Variants in CCDC62 observed in about 807,000 individuals in gnomAD.
The protein encoded by CCDC62 is coiled-coil domain-containing protein 62.
In CCDC62, 72 loss-of-function variants were observed where a neutral mutation model predicts 80.8. The ratio of observed to expected loss-of-function variants is 0.89; its 90% confidence interval spans 0.74 to 1.08. CCDC62 has a LOEUF of 1.08. CCDC62 is among the 50% of genes least tolerant of loss of function. The pLI is 0.00. For synonymous variants in CCDC62, 286 were observed against 296.5 expected (o/e 0.96, Z 0.36); for missense variants, 704 against 809.4 (o/e 0.87, Z 1.58).
chr12:122,822,060 A>AACACACACACACAC (rs58108370), intron 11 of CCDC62, among the ~76,000 whole-genome samples: 20,259 of 115,598 alleles, frequency 0.18, 2,221 homozygotes, highest in East Asian at 0.23. Context: ...TATAAATTTA[A>AACACACACACACAC]ACACACACAC....
intron 11 of CCDC62, among the ~76,000 whole-genome samples, chr12:122,816,547 A>G (rs1798565): frequency 0.11 from 16,641 of 152,048 alleles, 2,101 homozygotes; most frequent in African/African-American, 0.31. Context: ...GCAACATTGA[A>G]AAACCCCACC....
At chr12:122,793,883 T>C (rs1483662893) in intron 6 of CCDC62, among the ~76,000 whole-genome samples, 1 of 152,220 alleles carries the variant, frequency 6.6e-6, no homozygotes, top group Non-Finnish European at 1.5e-5. Flanking sequence ...CATCTGCAAG[T>C]AGTGATAACC....
chr12:122,775,092 T>C (rs1243867487), intron 1 of CCDC62, among the ~76,000 whole-genome samples: 3 of 8,918 alleles, frequency 3.4e-4, no homozygotes, highest in African/African-American at 3.9e-4. Context: ...AGACTCCGTC[T>C]CAAAAAAAAA....
In CCDC62 at chr12:122,813,311, G is replaced by A. The variant is rs778471323; in HGVS notation, c.1893G>A (p.Thr631=). 9.9e-6 allele frequency: 16 copies of A among 1,613,324 alleles called. No homozygotes were observed. The South Asian group carries it at 1.3e-4, about 13-fold the overall frequency. The change falls in exon 11 of 13, where the codon ACG becomes ACA. Residue 631 remains threonine (T), a synonymous_variant. Coordinates refer to ENST00000253079, the MANE Select transcript of CCDC62 (RefSeq NM_201435.5). ...VLPSQDDFSP[T]SKLQRLLAES... The stretch of plus-strand genomic sequence containing the variant: ...CCTCCCAGGATGATTTCTCGCCCAC[G>A]AGCAAGCTCCAGCGTTTGCTGGCGG...
At position 122,813,283 on chromosome 12, in the gene CCDC62, T is replaced by A; in HGVS notation, c.1865T>A (p.Leu622Ter). 3 of 1,611,028 alleles carry A rather than the reference T, an allele frequency of 1.9e-6. No individual in the cohort carries two copies. Among genetic ancestry groups the A allele is most frequent in the Non-Finnish European group, 2.5e-6 (3 of 1,178,620 alleles). ...PAFNEKASIV[L>*]PSQDDFSPTS... Reference sequence around the variant, plus strand: ...AATTTCCTGTAGGCTTCAATTGTGTTACCCTCCCAGGATGATTTCTCGCCC... The same window carrying A: ...AATTTCCTGTAGGCTTCAATTGTGTAACCCTCCCAGGATGATTTCTCGCCC... The change falls in exon 11 of 13, where the codon TTA becomes TAA. Residue 622 changes from leucine (L) to a stop codon, truncating the protein, a stop_gained. Coordinates refer to ENST00000253079, the MANE Select transcript of CCDC62 (RefSeq NM_201435.5). LOFTEE classifies it high-confidence loss of function.
chr12:122,783,353 T>G (rs1448439608), intron 3 of CCDC62, among the ~76,000 whole-genome samples: 2 of 150,854 alleles, frequency 1.3e-5, no homozygotes, highest in African/African-American at 2.4e-5. Flanking sequence ...TCAGCCTCCC[T>G]AGTAGCTGGG....
At chr12:122,814,207 G>A (rs143849382) in intron 11 of CCDC62, among the ~76,000 whole-genome samples, 5,187 of 148,210 alleles carry the variant, frequency 0.035, 121 homozygotes, top group Non-Finnish European at 0.053. Context: ...CTTGAACCCC[G>A]GAGGTGGAGG....
rs2032004807 is a variant in CCDC62, at chr12:122,812,936, G to A, written c.1852-334G>A. ...CAGGTGATCGGGTGTAGTGGCTCAC[G>A]CCTATAACCCCAGCACTTTGGGAGG... On this transcript the variant is annotated intron_variant, in intron 10 of 12. Coordinates refer to ENST00000253079, the MANE Select transcript of CCDC62 (RefSeq NM_201435.5). Among the ~76,000 whole-genome samples, 2 of 151,264 alleles carry A rather than the reference G, an allele frequency of 1.3e-5. 1 individual carries two copies. The highest frequency in any genetic ancestry group is 3.9e-4 in the East Asian group (2 of 5,082).
chr12:122,807,125 C>T (rs1240837656), intron 10 of CCDC62, among the ~76,000 whole-genome samples: 1 of 152,114 alleles, frequency 6.6e-6, no homozygotes, highest in Admixed American at 6.6e-5. Flanking sequence ...TTCCAACACT[C>T]TTGGGGGCCA....
intron 6 of CCDC62, among the ~76,000 whole-genome samples, chr12:122,794,779 C>A (rs1445041347): frequency 6.6e-6 from 1 of 152,168 alleles, no homozygotes; most frequent in East Asian, 1.9e-4. Flanking sequence ...ACCTCAGCCT[C>A]CTGAGTTGCT....
chr12:122,822,055 ATTT>A (rs1247053478), intron 11 of CCDC62, among the ~76,000 whole-genome samples: 2 of 110,282 alleles, frequency 1.8e-5, no homozygotes, highest in Admixed American at 1.0e-4. Flanking sequence ...GTCTCTATAA[ATTT>A]AAACACACAC....
At chr12:122,782,329 T>A (rs1356975422) in intron 3 of CCDC62, among the ~76,000 whole-genome samples, 1 of 152,206 alleles carries the variant, frequency 6.6e-6, no homozygotes, top group Non-Finnish European at 1.5e-5. Flanking sequence ...AGTACAACGC[T>A]TTTTAACCGT....
rs1224380806 is a variant in CCDC62, at chr12:122,826,506, T to C, written c.*125T>C. The C allele has an allele frequency of 2.6e-6, 2 of 762,466 alleles. No individual in the cohort carries two copies. Among genetic ancestry groups the C allele is most frequent in the African/African-American group, 3.4e-5 (2 of 58,620 alleles). 47.2% of individuals were successfully genotyped at this position (762,466 alleles called of 1,614,324 possible). ...TAAAACTGAAAGAGGATTCTAGTTC[T>C]TCATAAACGGCACTTAATTCCAGCT... is the stretch of plus-strand genomic sequence containing the variant. On this transcript the variant is annotated 3_prime_UTR_variant, in exon 13 of 13. Transcript: ENST00000253079.
At position 122,777,570 on chromosome 12, in the gene CCDC62, A is replaced by G. The variant is rs746956102; in HGVS notation, c.116A>G (p.Asp39Gly). The G allele has an allele frequency of 6.2e-7, 1 of 1,614,198 alleles. No homozygotes were observed. Among genetic ancestry groups the G allele is most frequent in the South Asian group, 1.1e-5 (1 of 91,086 alleles). The change falls in exon 2 of 13, where the codon GAT becomes GGT. Residue 39 changes from aspartate (D) to glycine (G), a missense_variant. By Grantham distance (94) the Asp-to-Gly change is moderately conservative. Coordinates refer to ENST00000253079, the MANE Select transcript of CCDC62 (RefSeq NM_201435.5). Reference protein sequence around the residue: ...ELQLLIGELKDRDKELNDMVA... With the variant: ...ELQLLIGELKGRDKELNDMVA... ...CAGTTGCTCATTGGAGAATTAAAAG[A>G]TCGAGATAAAGAGCTCAATGACATG...
Position 122,801,740 on chromosome 12 carries a change from G to C in CCDC62, c.1594G>C (p.Val532Leu), listed in dbSNP as rs75175797. ...IIEAPGHMSD[V>L]EWMSIFKPSK... is the part of the protein sequence containing the mutation. ...TGAAGCCCCAGGCCACATGTCTGAC[G>C]TGGAGTGGATGAGTATTTTCAAGCC... Residue 532 changes from valine (V) to leucine (L), a missense_variant, in exon 9 of 13, where the codon GTG becomes CTG. By Grantham distance (32) the Val-to-Leu change is conservative (BLOSUM62 1). Coordinates refer to ENST00000253079, the MANE Select transcript of CCDC62 (RefSeq NM_201435.5). The C allele has an allele frequency of 1.2e-6, 2 of 1,614,180 alleles. No homozygotes were observed. Among genetic ancestry groups the C allele is most frequent in the Non-Finnish European group, 1.7e-6 (2 of 1,180,032 alleles).
intron 6 of CCDC62, among the ~76,000 whole-genome samples, chr12:122,794,819 G>A (rs1048067752): frequency 1.3e-5 from 2 of 152,030 alleles, no homozygotes; most frequent in African/African-American, 4.8e-5. Context: ...ATCACACCTA[G>A]CTAATTTTAT....
At chr12:122,815,439 T>A (rs1171468381) in intron 11 of CCDC62, among the ~76,000 whole-genome samples, 1 of 142,498 alleles carries the variant, frequency 7.0e-6, no homozygotes, top group Non-Finnish European at 1.6e-5. Flanking sequence ...ACTTCCAACT[T>A]AACAGGTTTT....
chr12:122,804,987 C>T (rs1241234573), intron 9 of CCDC62, among the ~76,000 whole-genome samples: 4 of 150,850 alleles, frequency 2.7e-5, no homozygotes, highest in African/African-American at 7.3e-5. Flanking sequence ...CGGGTTCAAG[C>T]GATTCTCCTG....
At chr12:122,796,749 A>C (rs191495062) in intron 6 of CCDC62, among the ~76,000 whole-genome samples, 1 of 152,154 alleles carries the variant, frequency 6.6e-6, no homozygotes, top group Admixed American at 6.6e-5. Context: ...AAAATATTTT[A>C]TCTTTTAAAA....
Sources: allele counts gnomAD v4.1 joint callset (sites outside exome capture counted in the v4.1 genomes callset), GRCh38; gene constraint gnomAD v4.1.1; transcripts MANE v1.5; gene names NCBI Gene and HGNC (gene_info 2026-07-23, HGNC 2026-07-21).